Variants in SDK2 observed in about 807,000 individuals in gnomAD.
SDK2 encodes protein sidekick-2.
SDK2 carries 105 observed loss-of-function variants against 253.9 expected under a neutral mutation model. The observed-to-expected ratio is 0.41, with a 90% CI of 0.35 to 0.49. The LOEUF is 0.49. Ranked by LOEUF, SDK2 falls within the 20% of genes least tolerant of loss-of-function variation. The pLI, the probability that SDK2 is intolerant of heterozygous loss-of-function variation, is 0.06. For missense variants in SDK2, 2,608 were observed against 3,003.0 expected, an observed-to-expected ratio of 0.87 and a Z score of 3.07; for synonymous variants, 1,249 against 1,234.9, an observed-to-expected ratio of 1.01 and a Z score of -0.24.
intron 1 of SDK2, among the ~76,000 whole-genome samples, chr17:73,533,026 C>T (rs891339032): frequency 1.3e-5 from 2 of 152,226 alleles, no homozygotes; most frequent in Non-Finnish European, 2.9e-5. Context: ...TCTCTCTCTT[C>T]CTCTCCAGCC....
intron 1 of SDK2, among the ~76,000 whole-genome samples, chr17:73,610,450 C>T (rs72847624): frequency 7.2e-4 from 109 of 152,190 alleles, no homozygotes; most frequent in African/African-American, 2.5e-3. Context: ...TGGCCCAGCA[C>T]GCATTCCAAG....
rs559971839 is a variant in SDK2, at chr17:73,595,263, G to T, written c.64+48762C>A. On this transcript the variant is annotated intron_variant, in intron 1 of 44. Coordinates refer to ENST00000392650, the MANE Select transcript of SDK2 (RefSeq NM_001144952.2). ...CTGAGAGATGGGGAGAGGCAGGCCT[G>T]GGGGAGAGCGTGGCCCTGTGTCGGA... Among the ~76,000 whole-genome samples, 153 of 152,276 alleles carry T rather than the reference G, an allele frequency of 1.0e-3. 5 individuals are homozygous for T. The South Asian group carries it at 0.03, about 30-fold the overall frequency.
At chr17:73,489,678 A>G (rs893818770) in intron 2 of SDK2, among the ~76,000 whole-genome samples, 1 of 152,220 alleles carries the variant, frequency 6.6e-6, no homozygotes, top group Non-Finnish European at 1.5e-5. Flanking sequence ...GATGCTGGAA[A>G]GAGGCCGCCC....
At chr17:73,399,658 A>G (rs2063006157) in intron 21 of SDK2, among the ~76,000 whole-genome samples, 1 of 152,072 alleles carries the variant, frequency 6.6e-6, no homozygotes, top group Admixed American at 6.5e-5. Context: ...AAAGAAACCA[A>G]ACGGGACCGA....
rs781561860 is a variant in SDK2, at chr17:73,399,207, A to G, written c.3054T>C (p.Asp1018=). 12 of 1,613,764 alleles carry G rather than the reference A, an allele frequency of 7.4e-6. No homozygotes were observed. Among genetic ancestry groups the G allele is most frequent in the Non-Finnish European group, 1.0e-5 (12 of 1,179,866 alleles). ...GCCAGCGGGAGATGGAGGTTTTCCCATCGTAGCCTGGCCTGAACTGCAAGG... is the reference window on the plus strand; with the variant it reads ...GCCAGCGGGAGATGGAGGTTTTCCCGTCGTAGCCTGGCCTGAACTGCAAGG... ...SVTLQFRPGY[D]GKTSISRWLV... is the part of the protein sequence containing the mutation. Residue 1018 remains aspartate, a synonymous_variant, in exon 22 of 45, where the codon GAT becomes GAC. Coordinates refer to ENST00000392650, the MANE Select transcript of SDK2 (RefSeq NM_001144952.2).
intron 42 of SDK2, 78 bp downstream of exon 42, chr17:73,350,572 T>C (rs1439709118): frequency 6.7e-7 from 1 of 1,495,886 alleles, no homozygotes; most frequent in African/African-American, 1.4e-5. Context: ...GAGAGGGACC[T>C]GATCACCCCT....
At chr17:73,569,290 C>G (rs2045350919) in intron 1 of SDK2, among the ~76,000 whole-genome samples, 1 of 151,768 alleles carries the variant, frequency 6.6e-6, no homozygotes, top group Non-Finnish European at 1.5e-5. Flanking sequence ...CTCCGCCTCC[C>G]AGGTTCAAGT....
rs1258605249 is a variant in SDK2 at position 73,644,344 on chromosome 17, T to C, written c.-256A>G. 6.6e-6 allele frequency among the ~76,000 whole-genome samples: 1 copy of C among 152,140 alleles called. No individual in the cohort carries two copies. Among genetic ancestry groups the C allele is most frequent in the Non-Finnish European group, 1.5e-5 (1 of 68,012 alleles). ...CAGGGAGAAAGAGGCCAGGCCGCCC[T>C]CTCGGACTAGGGCGCCTCTCTCCCT... On this transcript the variant is annotated 5_prime_UTR_variant, in exon 1 of 45. Coordinates refer to ENST00000392650, the MANE Select transcript of SDK2 (RefSeq NM_001144952.2). The surrounding 1 kb of genome is among the most constrained non-coding windows in gnomAD (Gnocchi z 6.3).
chr17:73,576,330 C>A (rs1055597740), intron 1 of SDK2, among the ~76,000 whole-genome samples: 1 of 152,056 alleles, frequency 6.6e-6, no homozygotes, highest in African/African-American at 2.4e-5. Context: ...ATCAGAAGGG[C>A]ATCCCCAAAA....
rs374170731 is a variant in SDK2 at position 73,365,345 on chromosome 17, C to G, written c.5218G>C (p.Val1740Leu). 3.1e-6 allele frequency: 5 copies of G among 1,612,718 alleles called. No homozygotes were observed. The African/African-American group carries it at 6.7e-5, about 22-fold the overall frequency. ...TGCGGGGCTTCCCAGGACACATTCA[C>G]TGAGGTTGTGGTCAGCTCACTGAAC... ...VKFSELTTTS[V>L]NVSWEAPQFP... Residue 1740 changes from valine to leucine, a missense_variant, in exon 38 of 45, where the codon GTG becomes CTG. Physicochemically the swap from Val to Leu is conservative, Grantham distance 32. Transcript: ENST00000392650.
intron 26 of SDK2, 71 bp from the exon 27 acceptor site, chr17:73,393,820 A>C: frequency 2.4e-6 from 3 of 1,261,822 alleles, no homozygotes; most frequent in African/African-American, 1.5e-5. Context: ...CCCGAGTCTC[A>C]TCCCCAGGAT....
chr17:73,559,658 C>T lies in SDK2; in HGVS notation c.65-52061G>A, dbSNP rs1277191191. ...CATACTGTGGCTGCTCTCCAGCCTC[C>T]GAAGGGCCACCCCACAGGCAGGTCT... On this transcript the variant is annotated intron_variant, in intron 1 of 44. Coordinates refer to ENST00000392650, the MANE Select transcript of SDK2 (RefSeq NM_001144952.2). Among the ~76,000 whole-genome samples the T allele has an allele frequency of 2.7e-5, 4 of 150,568 alleles. No homozygotes were observed. The South Asian group carries it at 6.4e-4, about 24-fold the overall frequency.
At chr17:73,546,483 G>A (rs1182931892) in intron 1 of SDK2, among the ~76,000 whole-genome samples, 1 of 152,208 alleles carries the variant, frequency 6.6e-6, no homozygotes, top group Non-Finnish European at 1.5e-5. Context: ...AGAAGGGAAG[G>A]GCCCCCACCC....
chr17:73,497,399 T>A (rs536373241), intron 2 of SDK2, among the ~76,000 whole-genome samples: 1 of 152,310 alleles, frequency 6.6e-6, no homozygotes, highest in East Asian at 1.9e-4. Flanking sequence ...CCTCTGATGC[T>A]ATGTTCATTC....
At chr17:73,412,668 C>T (rs2063149008) in intron 18 of SDK2, among the ~76,000 whole-genome samples, 1 of 152,130 alleles carries the variant, frequency 6.6e-6, no homozygotes, top group Non-Finnish European at 1.5e-5. Context: ...GTAATCCCAG[C>T]ACTCTGGGAG....
At chr17:73,608,701 C>A (rs2045937392) in intron 1 of SDK2, among the ~76,000 whole-genome samples, 1 of 152,128 alleles carries the variant, frequency 6.6e-6, no homozygotes, top group African/African-American at 2.4e-5. Context: ...CCTTGGCCTC[C>A]CAAAGTGCTG....
intron 1 of SDK2, among the ~76,000 whole-genome samples, chr17:73,606,001 A>AC (rs397934567): frequency 3.3e-5 from 5 of 150,502 alleles, no homozygotes; most frequent in Admixed American, 6.6e-5. Flanking sequence ...GAAAAAAAAA[A>AC]CCCCACTCAT....
chr17:73,613,859 TC>T (rs1437416795), intron 1 of SDK2, among the ~76,000 whole-genome samples: 2 of 152,194 alleles, frequency 1.3e-5, no homozygotes, highest in African/African-American at 2.4e-5. Flanking sequence ...TAGCCAAGTG[TC>T]AGCTACTTTC....
chr17:73,389,087 G>A (rs2062904425), intron 29 of SDK2, among the ~76,000 whole-genome samples: 1 of 147,112 alleles, frequency 6.8e-6, no homozygotes, highest in Non-Finnish European at 1.5e-5. Flanking sequence ...GCTCACTACA[G>A]CCTCAAACTC....
Sources: allele counts gnomAD v4.1 joint callset (sites outside exome capture counted in the v4.1 genomes callset), GRCh38; gene constraint gnomAD v4.1.1; non-coding constraint Gnocchi (gnomAD v3.1); transcripts MANE v1.5; gene names NCBI Gene and HGNC (gene_info 2026-07-23, HGNC 2026-07-21).